Variants in NFKBIL1 observed in about 807,000 individuals in gnomAD.
NFKBIL1 encodes NF-kappa-B inhibitor-like protein 1.
Under a neutral mutation model 45.4 loss-of-function variants are expected in NFKBIL1, and 30 were observed. The ratio of observed to expected loss-of-function variants is 0.66; its 90% confidence interval spans 0.49 to 0.90. The LOEUF (loss-of-function observed/expected upper bound fraction) is 0.90. Among genes scored for constraint, NFKBIL1 ranks in the 40% least tolerant of loss-of-function variants. NFKBIL1 has a pLI of 0.00. For missense variants in NFKBIL1, 434 were observed against 513.4 expected (o/e 0.85, Z 1.49); for synonymous variants, 179 against 197.3 (o/e 0.91, Z 0.78).
chr6:31,547,514 C>A, upstream of NFKBIL1: 1 of 457,104 alleles, frequency 2.2e-6, no homozygotes, highest in Non-Finnish European at 3.9e-6. Context: ...CCGGTCGGGG[C>A]GGAACGACAT....
intron 2 of NFKBIL1, among the ~76,000 whole-genome samples, chr6:31,555,842 C>T (rs1284325620): frequency 2.7e-5 from 4 of 149,356 alleles, no homozygotes; most frequent in Admixed American, 1.3e-4. Context: ...TTAGTAAAGA[C>T]GGGTTTTCAC....
chr6:31,550,149 C>T (rs1305925847), intron 2 of NFKBIL1, among the ~76,000 whole-genome samples: 1 of 151,062 alleles, frequency 6.6e-6, no homozygotes, highest in Admixed American at 6.6e-5. Flanking sequence ...TGTGGTGAGC[C>T]GAGATTGCAC....
chr6:31,556,885 A>G (rs1342199530), intron 2 of NFKBIL1: 2 of 405,174 alleles, frequency 4.9e-6, no homozygotes, highest in African/African-American at 2.0e-5. Context: ...GTATTTATTA[A>G]TGGCCCAGAG....
At chr6:31,555,938 C>T (rs1272168023) in intron 2 of NFKBIL1, among the ~76,000 whole-genome samples, 2 of 150,638 alleles carry the variant, frequency 1.3e-5, no homozygotes, top group African/African-American at 2.4e-5. Context: ...GGATTACAGG[C>T]GTGAGCCACC....
chr6:31,554,516 C>T (rs1460040132), intron 2 of NFKBIL1, among the ~76,000 whole-genome samples: 2 of 151,352 alleles, frequency 1.3e-5, no homozygotes, highest in Admixed American at 6.6e-5. Context: ...ATATAATTTC[C>T]AAAGAAAAAG....
At chr6:31,549,527 C>T (rs1769311182) in intron 2 of NFKBIL1, among the ~76,000 whole-genome samples, 1 of 150,538 alleles carries the variant, frequency 6.6e-6, no homozygotes, top group Non-Finnish European at 1.5e-5. Flanking sequence ...GCTGGGATTA[C>T]AGGTGTGAGC....
At chr6:31,552,265 C>CTGTTT (rs72488655) in intron 2 of NFKBIL1, among the ~76,000 whole-genome samples, 39 of 150,750 alleles carry the variant, frequency 2.6e-4, no homozygotes, top group Middle Eastern at 6.9e-3. Context: ...TTTTTGTTTT[C>CTGTTT]TGTTTTGTTT....
At chr6:31,552,649 C>T (rs6916921) in intron 2 of NFKBIL1, among the ~76,000 whole-genome samples, 13,075 of 144,250 alleles carry the variant, frequency 0.091, 833 homozygotes, top group Admixed American at 0.17. Context: ...GCATTGAGAA[C>T]GGTTGATCTG....
chr6:31,554,228 G>A (rs1470999253), intron 2 of NFKBIL1, among the ~76,000 whole-genome samples: 1 of 152,124 alleles, frequency 6.6e-6, no homozygotes, highest in African/African-American at 2.4e-5. Context: ...AACACAGTGA[G>A]ACCTGGTCTG....
chr6:31,548,152 T>C lies in NFKBIL1; in HGVS notation c.58-11T>C, dbSNP rs776913639. On this transcript the variant is annotated splice_polypyrimidine_tract_variant and intron_variant, in intron 1 of 3. Coordinates refer to ENST00000376148, the MANE Select transcript of NFKBIL1 (RefSeq NM_005007.4). ...CTGAAGTCCTGACTGCTGCCTTTTTTCCTTCCCCAGCCCAAGAGTTCCATG... is the reference window on the plus strand; with the variant it reads ...CTGAAGTCCTGACTGCTGCCTTTTTCCCTTCCCCAGCCCAAGAGTTCCATG... 3.7e-6 allele frequency: 6 copies of C among 1,612,976 alleles called. No homozygotes were observed. Among genetic ancestry groups the C allele is most frequent in the Non-Finnish European group, 5.1e-6 (6 of 1,180,036 alleles).
intron 2 of NFKBIL1, among the ~76,000 whole-genome samples, chr6:31,555,906 C>T (rs991508908): frequency 4.0e-5 from 6 of 149,270 alleles, no homozygotes; most frequent in South Asian, 2.1e-4. Flanking sequence ...TTGTCCCCCC[C>T]CCCCAGCCTC....
At position 31,557,584 on chromosome 6, in the gene NFKBIL1, TGG is replaced by T; in HGVS notation, c.335-42_335-41del. 7.0e-7 allele frequency: 1 copy of T among 1,420,792 alleles called. No individual in the cohort carries two copies. Among genetic ancestry groups the T allele is most frequent in the Admixed American group, 2.4e-5 (1 of 41,444 alleles). 88.0% of individuals were successfully genotyped at this position (1,420,792 alleles called of 1,614,324 possible). On this transcript the variant is annotated intron_variant, in intron 2 of 3. Transcript: ENST00000376148. This position sits in a 1 kb window ranked among gnomAD's most constrained non-coding sequence, Gnocchi z 5.4. ...TCAAGATGGCAGCTCTGCCGAGGAG[TGG>T]GAGTCCCAGCTAACTTCTGCTCCCT...
chr6:31,549,350 C>T (rs752007952), intron 2 of NFKBIL1, among the ~76,000 whole-genome samples: 6 of 151,874 alleles, frequency 4.0e-5, no homozygotes, highest in Non-Finnish European at 7.4e-5. Flanking sequence ...CTCCCAGGTT[C>T]AAGTGATTCT....
chr6:31,551,052 G>A (rs1396652448), intron 2 of NFKBIL1, among the ~76,000 whole-genome samples: 1 of 152,050 alleles, frequency 6.6e-6, no homozygotes, highest in Non-Finnish European at 1.5e-5. Flanking sequence ...TTTGAGACAG[G>A]GTCTCATTCT....
In NFKBIL1 at chr6:31,557,253, G is replaced by A. The variant is rs1373661719; in HGVS notation, c.335-375G>A. ...CTGCCGAGTAGCTGGGACTGCAGGC[G>A]CCCGCCACCAGGCCTGGCTAATTTT... On this transcript the variant is annotated intron_variant, in intron 2 of 3. Transcript: ENST00000376148. This position sits in a 1 kb window ranked among gnomAD's most constrained non-coding sequence, Gnocchi z 5.4. Among the ~76,000 whole-genome samples, 1 of 151,380 alleles carries A rather than the reference G, an allele frequency of 6.6e-6. No homozygotes were observed. Among genetic ancestry groups the A allele is most frequent in the Non-Finnish European group, 1.5e-5 (1 of 67,966 alleles).
rs896005012 is a variant in NFKBIL1, at chr6:31,557,049, A to G, written c.335-579A>G. Among the ~76,000 whole-genome samples the G allele has an allele frequency of 6.6e-6, 1 of 152,056 alleles. No homozygotes were observed. Among genetic ancestry groups the G allele is most frequent in the Admixed American group, 6.6e-5 (1 of 15,260 alleles). ...GGCTGGAGGCAGGTCAGAAAATGTC[A>G]GTTGGCATGGTAGAACTTCTAGGAC... On this transcript the variant is annotated intron_variant, in intron 2 of 3. Coordinates refer to ENST00000376148, the MANE Select transcript of NFKBIL1 (RefSeq NM_005007.4). This position sits in a 1 kb window ranked among gnomAD's most constrained non-coding sequence, Gnocchi z 5.4.
At chr6:31,553,334 T>C (rs72847257) in intron 2 of NFKBIL1, among the ~76,000 whole-genome samples, 6,496 of 152,176 alleles carry the variant, frequency 0.043, 247 homozygotes, top group South Asian at 0.16. Context: ...CCACTGTGCC[T>C]GACCAGGTGA....
Position 31,557,934 on chromosome 6 carries a change from C to CCCCCT in NFKBIL1, c.557-85_557-81dup. ...GAATGCGTCACACTAGGCTCCTCTG[C>CCCCCT]CCCCTCCTCTGTGCTTCCCTGCTTC... On this transcript the variant is annotated intron_variant, in intron 3 of 3. Transcript: ENST00000376148. This position sits in a 1 kb window ranked among gnomAD's most constrained non-coding sequence, Gnocchi z 5.4. 1 of 1,494,178 alleles carries CCCCCT rather than the reference C, an allele frequency of 6.7e-7. No homozygotes were observed. Among genetic ancestry groups the CCCCCT allele is most frequent in the Non-Finnish European group, 9.1e-7 (1 of 1,104,800 alleles). 92.6% of individuals were successfully genotyped at this position (1,494,178 alleles called of 1,614,324 possible). A position where few individuals can be genotyped will look rare whatever the true frequency, so the allele number is the denominator to read the frequency against.
Position 31,558,132 on chromosome 6 carries a change from T to C in NFKBIL1, c.667T>C (p.Ser223Pro). ...CQQQQREAEGSRRPPRAEGSS... is the reference protein window; with the variant it reads ...CQQQQREAEGPRRPPRAEGSS... ...GCAGCAGCAGCGAGAAGCAGAGGGATCCCGTCGACCCCCACGTGCTGAGGG... is the reference window on the plus strand; with the variant it reads ...GCAGCAGCAGCGAGAAGCAGAGGGACCCCGTCGACCCCCACGTGCTGAGGG... Residue 223 changes from serine (S) to proline (P), a missense_variant, in exon 4 of 4, where the codon TCC (serine) becomes CCC (proline). Physicochemically the swap from Ser to Pro is moderately conservative, Grantham distance 74 (BLOSUM62 -1). Transcript: ENST00000376148. This position sits in a 1 kb window ranked among gnomAD's most constrained non-coding sequence, Gnocchi z 7.2. 6.2e-7 allele frequency: 1 copy of C among 1,611,926 alleles called. No homozygotes were observed. Among genetic ancestry groups the C allele is most frequent in the South Asian group, 1.1e-5 (1 of 90,878 alleles).
Sources: allele counts gnomAD v4.1 joint callset (sites outside exome capture counted in the v4.1 genomes callset), GRCh38; gene constraint gnomAD v4.1.1; non-coding constraint Gnocchi (gnomAD v3.1); transcripts MANE v1.5; gene names NCBI Gene and HGNC (gene_info 2026-07-23, HGNC 2026-07-21).